The following FBN2 variants were observed in gnomAD, a reference collection of about 807,000 sequenced individuals.
FBN2 encodes the protein fibrillin-2.
A neutral mutation model predicts 355.6 loss-of-function variants in FBN2; 105 were observed. The ratio of observed to expected loss-of-function variants is 0.30; its 90% CI spans 0.25 to 0.35. FBN2 has a LOEUF of 0.35. Among genes scored for constraint, FBN2 ranks in the 10% least tolerant of loss-of-function variants. FBN2 has a pLI of 1.00. For synonymous variants in FBN2, 1,350 were observed against 1,301.2 expected, an observed-to-expected ratio of 1.04 and a Z score of -0.81; for missense variants, 3,280 against 3,758.7, an observed-to-expected ratio of 0.87 and a Z score of 3.33.
At chr5:128,440,546 C>G (rs1561458101) in intron 7 of FBN2, among the ~76,000 whole-genome samples, 1 of 152,286 alleles carries the variant, frequency 6.6e-6, no homozygotes, top group South Asian at 2.1e-4. Flanking sequence ...AGGAAGAAAT[C>G]TGCCCCCATG....
At chr5:128,321,729 T>C (rs1253828742) in intron 34 of FBN2, among the ~76,000 whole-genome samples, 1 of 152,218 alleles carries the variant, frequency 6.6e-6, no homozygotes, top group African/African-American at 2.4e-5. Flanking sequence ...TCTTTGCTAT[T>C]ATGAACAGTG....
At chr5:128,268,154 G>A (rs749022114) in intron 62 of FBN2, among the ~76,000 whole-genome samples, 61 of 151,694 alleles carry the variant, frequency 4.0e-4, no homozygotes, top group Non-Finnish European at 7.5e-4. Flanking sequence ...GAACAGAGAA[G>A]AATCAAATAG....
chr5:128,488,493 T>C (rs915351514), intron 5 of FBN2, among the ~76,000 whole-genome samples: 1 of 152,168 alleles, frequency 6.6e-6, no homozygotes, highest in African/African-American at 2.4e-5. Context: ...TTTATTTCTT[T>C]TTTTTAATTT....
At chr5:128,514,609 C>T (rs1756230214) in intron 5 of FBN2, among the ~76,000 whole-genome samples, 1 of 152,070 alleles carries the variant, frequency 6.6e-6, no homozygotes, top group African/African-American at 2.4e-5. Flanking sequence ...TAGTTACACT[C>T]TTGTATATTC....
intron 7 of FBN2, among the ~76,000 whole-genome samples, chr5:128,426,803 G>C (rs1226250840): frequency 6.6e-6 from 1 of 152,146 alleles, no homozygotes; most frequent in African/African-American, 2.4e-5. Context: ...GGACGTGAGA[G>C]GACAGGTACT....
chr5:128,359,313 T>A (rs1751580803), intron 19 of FBN2, among the ~76,000 whole-genome samples: 1 of 152,068 alleles, frequency 6.6e-6, no homozygotes, highest in Non-Finnish European at 1.5e-5. Context: ...ATTCCCTGTC[T>A]AGTCTTTGGA....
At chr5:128,415,339 A>G (rs1190670775) in intron 7 of FBN2, among the ~76,000 whole-genome samples, 1 of 152,160 alleles carries the variant, frequency 6.6e-6, no homozygotes, top group African/African-American at 2.4e-5. Flanking sequence ...ACATTAAGTA[A>G]CTTCTCTTCA....
chr5:128,347,492 T>G (rs1751214866), intron 23 of FBN2, among the ~76,000 whole-genome samples: 1 of 152,228 alleles, frequency 6.6e-6, no homozygotes. Flanking sequence ...TGAAGTTTGC[T>G]GCAGTCCCCA....
intron 34 of FBN2, among the ~76,000 whole-genome samples, chr5:128,323,092 T>A (rs376115492): frequency 2.0e-5 from 3 of 152,226 alleles, no homozygotes; most frequent in East Asian, 3.8e-4. Flanking sequence ...ATGCTTGTGA[T>A]TTTTGCACAC....
intron 48 of FBN2, among the ~76,000 whole-genome samples, chr5:128,297,742 G>A (rs918592737): frequency 6.6e-6 from 1 of 152,132 alleles, no homozygotes; most frequent in Non-Finnish European, 1.5e-5. Flanking sequence ...CTGCCCGTGA[G>A]ATGGGTTTCC....
intron 7 of FBN2, among the ~76,000 whole-genome samples, chr5:128,433,874 G>A (rs191113903): frequency 6.6e-6 from 1 of 152,086 alleles, no homozygotes; most frequent in East Asian, 1.9e-4. Context: ...CAGCCCTCTA[G>A]GAAAATCAAA....
chr5:128,402,607 T>C (rs1046138230), intron 8 of FBN2, among the ~76,000 whole-genome samples: 2 of 152,210 alleles, frequency 1.3e-5, no homozygotes, highest in Non-Finnish European at 2.9e-5. Flanking sequence ...GGATTGTATG[T>C]TGAAATAAAT....
chr5:128,323,813 G>C (rs909347082), intron 34 of FBN2, among the ~76,000 whole-genome samples: 4 of 152,192 alleles, frequency 2.6e-5, no homozygotes, highest in Middle Eastern at 3.2e-3. Flanking sequence ...CATAAAATGA[G>C]TTAGGGAGGA....
At chr5:128,398,845 T>TG (rs761381770) in intron 8 of FBN2, among the ~76,000 whole-genome samples, 3 of 152,144 alleles carry the variant, frequency 2.0e-5, no homozygotes, top group Non-Finnish European at 4.4e-5. Flanking sequence ...TCTCAAGAGA[T>TG]CTGATAGTTT....
intron 11 of FBN2, 124 bp from the exon 12 acceptor site, chr5:128,379,014 G>C: frequency 9.5e-7 from 1 of 1,051,140 alleles, no homozygotes; most frequent in Non-Finnish European, 1.5e-6. Flanking sequence ...AAATAGCGAA[G>C]TATTTATAAA....
intron 5 of FBN2, among the ~76,000 whole-genome samples, chr5:128,469,196 G>C (rs1320861633): frequency 6.6e-6 from 1 of 152,138 alleles, no homozygotes; most frequent in Non-Finnish European, 1.5e-5. Context: ...AGTTTGTTGG[G>C]GGAAACAGAA....
intron 4 of FBN2, among the ~76,000 whole-genome samples, chr5:128,520,509 G>T (rs1408710675): frequency 6.6e-6 from 1 of 152,090 alleles, no homozygotes; most frequent in African/African-American, 2.4e-5. Context: ...AACACTTCAA[G>T]TGAGGTACAT....
chr5:128,264,576 C>T (rs1243245806), intron 62 of FBN2, among the ~76,000 whole-genome samples: 2 of 152,202 alleles, frequency 1.3e-5, no homozygotes, highest in African/African-American at 4.8e-5. Context: ...TTTGCCTTAA[C>T]TGTCTGGTTG....
chr5:128,267,594 T>C (rs977078627), intron 62 of FBN2, among the ~76,000 whole-genome samples: 11 of 152,226 alleles, frequency 7.2e-5, no homozygotes, highest in African/African-American at 2.2e-4. Context: ...TTTTTTCATA[T>C]GTTTGTTGGC....
Sources: gnomAD v4.1 joint callset for allele counts (sites outside exome capture counted in the v4.1 genomes callset) on GRCh38, gnomAD v4.1.1 for gene constraint, MANE v1.5 for transcripts, NCBI Gene and HGNC (gene_info 2026-07-23, HGNC 2026-07-21) for gene names.